The following STX2 variants were observed in gnomAD, a reference collection of about 807,000 sequenced individuals.
STX2 encodes syntaxin 2, also known as syntaxin-2.
A neutral mutation model predicts 40.6 loss-of-function variants in STX2; 27 were observed. The observed-to-expected ratio is 0.66, with a 90% CI of 0.49 to 0.92. The LOEUF is 0.92. STX2 is among the 40% of genes least tolerant of loss of function. The pLI is 0.00. For missense variants in STX2, 328 were observed against 366.1 expected (o/e 0.90, Z 0.85); for synonymous variants, 123 against 119.1 (o/e 1.03, Z -0.22).
chr12:130,831,110 G>A (rs73459503), intron 1 of STX2, among the ~76,000 whole-genome samples: 3,819 of 152,256 alleles, frequency 0.025, 148 homozygotes, highest in African/African-American at 0.081. Context: ...CCATTGGAAC[G>A]ATCATCATTT....
intron 8 of STX2, among the ~76,000 whole-genome samples, chr12:130,799,448 A>G (rs1368796632): frequency 3.3e-5 from 5 of 152,224 alleles, no homozygotes; most frequent in Admixed American, 2.6e-4. Context: ...AAGCTTTAGT[A>G]ATTACAGAAA....
intron 4 of STX2, chr12:130,810,456 G>C (rs1211233221): frequency 6.6e-6 from 1 of 152,210 alleles, no homozygotes; most frequent in Non-Finnish European, 1.5e-5. Flanking sequence ...CCAGCATGCT[G>C]ACCTCGGTGT....
chr12:130,827,368 T>C, intron 1 of STX2, 101 bp from the exon 2 acceptor site: 2 of 837,774 alleles, frequency 2.4e-6, no homozygotes, highest in South Asian at 3.0e-5. Context: ...AGATCTCAAC[T>C]CACTACAGCA....
At chr12:130,805,084 C>T (rs1037504146) in intron 6 of STX2, among the ~76,000 whole-genome samples, 1 of 152,178 alleles carries the variant, frequency 6.6e-6, no homozygotes, top group Non-Finnish European at 1.5e-5. Context: ...CCTCACAGTG[C>T]AACCGGCTGC....
intron 6 of STX2, among the ~76,000 whole-genome samples, chr12:130,805,169 T>C (rs1003393350): frequency 6.6e-6 from 1 of 152,172 alleles, no homozygotes; most frequent in African/African-American, 2.4e-5. Flanking sequence ...AACTTTTTCA[T>C]AGAAAAGCAG....
At chr12:130,809,615 G>A (rs1170847062) in intron 4 of STX2, among the ~76,000 whole-genome samples, 2 of 152,148 alleles carry the variant, frequency 1.3e-5, no homozygotes, top group Admixed American at 6.5e-5. Flanking sequence ...CCAGGGGTTC[G>A]AGACCAGCGT....
At chr12:130,832,284 C>T (rs1056188479) in intron 1 of STX2, among the ~76,000 whole-genome samples, 1 of 152,186 alleles carries the variant, frequency 6.6e-6, no homozygotes, top group Non-Finnish European at 1.5e-5. Context: ...CTGCTGCATA[C>T]ACTCCATTAT....
In STX2 at chr12:130,839,115, A is replaced by T; in HGVS notation, c.-16T>A. On this transcript the variant is annotated 5_prime_UTR_variant, in exon 1 of 11. Coordinates refer to ENST00000392373, the MANE Select transcript of STX2 (RefSeq NM_194356.4). ...GGTCCCGCATCCCCGCCGGCCGGGC[A>T]GCGCGCCCCGCCGCTCAAGCCTGTC... The T allele has an allele frequency of 7.9e-7, 1 of 1,260,786 alleles. No individual in the cohort carries two copies. The allele number at this position is 1,260,786 out of a possible 1,614,324, so 78.1% of individuals were successfully genotyped here. A position where few individuals can be genotyped will look rare whatever the true frequency, so the allele number is the denominator to read the frequency against.
intron 1 of STX2, 37 bp from the exon 2 acceptor site, chr12:130,827,304 T>G: frequency 3.2e-6 from 5 of 1,550,930 alleles, no homozygotes; most frequent in Non-Finnish European, 3.6e-6. Flanking sequence ...TTTTTAAAAT[T>G]TTTATGTAGG....
At chr12:130,804,386 G>A (rs896468103) in intron 6 of STX2, among the ~76,000 whole-genome samples, 8 of 152,266 alleles carry the variant, frequency 5.3e-5, no homozygotes, top group Middle Eastern at 3.4e-3. Flanking sequence ...TGCTCGACTC[G>A]TGCATGCCAA....
intron 3 of STX2, among the ~76,000 whole-genome samples, chr12:130,820,485 G>A (rs1361109702): frequency 6.6e-6 from 1 of 152,126 alleles, no homozygotes; most frequent in Non-Finnish European, 1.5e-5. Flanking sequence ...GGCCAATATG[G>A]TGAAATCCCA....
At chr12:130,814,368 G>A (rs10773825) in intron 3 of STX2, among the ~76,000 whole-genome samples, 85,163 of 151,976 alleles carry the variant, frequency 0.56, 26,344 homozygotes, top group East Asian at 0.87. Flanking sequence ...AGAAGCGTCT[G>A]CTGCAGCTGT....
chr12:130,819,885 G>A lies in STX2; in HGVS notation c.205+1804C>T, dbSNP rs1344853394. Among the ~76,000 whole-genome samples the A allele has an allele frequency of 3.9e-5, 6 of 152,294 alleles. No individual in the cohort carries two copies. In the South Asian group the frequency reaches 6.2e-4, roughly 16 times the overall value. On this transcript the variant is annotated intron_variant, in intron 3 of 10. Coordinates refer to ENST00000392373, the MANE Select transcript of STX2 (RefSeq NM_194356.4). ...GCCGCAGGCAGCACCCTGGCTGCAC[G>A]GACTAGCTCATGAGACGGCGGCTCC...
At chr12:130,832,744 C>G (rs994838420) in intron 1 of STX2, among the ~76,000 whole-genome samples, 3 of 152,222 alleles carry the variant, frequency 2.0e-5, no homozygotes, top group Non-Finnish European at 4.4e-5. Context: ...CCAACCTCCT[C>G]AGCTCACTCA....
At chr12:130,794,156 GAAAA>G (rs1307707728) in intron 10 of STX2, among the ~76,000 whole-genome samples, 1 of 124,276 alleles carries the variant, frequency 8.0e-6, no homozygotes, top group East Asian at 4.2e-4. Flanking sequence ...TAGCTACTAG[GAAAA>G]AACTCAGAAA....
chr12:130,796,268 T>C (rs962327458), intron 9 of STX2, 148 bp from the exon 10 acceptor site: 25 of 904,746 alleles, frequency 2.8e-5, no homozygotes, highest in Non-Finnish European at 3.6e-5. Flanking sequence ...CCGAGGCGGA[T>C]GGATCACCTG....
chr12:130,793,774 G>A (rs546590104), intron 10 of STX2, among the ~76,000 whole-genome samples: 1 of 152,320 alleles, frequency 6.6e-6, no homozygotes, highest in East Asian at 1.9e-4. Context: ...TGCAGGGAGG[G>A]GCAGCAGCCA....
rs73459517 is a variant in STX2, at chr12:130,832,538, A to G, written c.31-5271T>C. On this transcript the variant is annotated intron_variant, in intron 1 of 10. Coordinates refer to ENST00000392373, the MANE Select transcript of STX2 (RefSeq NM_194356.4). ...AAATTGGATGCCCCCAGCATGGCAC[A>G]TGGACATGAGACACTGCCAGGCTAA... is the stretch of plus-strand genomic sequence containing the variant. Among the ~76,000 whole-genome samples the G allele has an allele frequency of 4.4e-3, 670 of 152,302 alleles. 10 individuals carry two copies. Among genetic ancestry groups the G allele is most frequent in the African/African-American group, 0.016 (647 of 41,568 alleles).
intron 7 of STX2, 50 bp downstream of exon 7, chr12:130,801,365 C>T: frequency 1.3e-6 from 2 of 1,592,722 alleles, no homozygotes; most frequent in South Asian, 1.1e-5. Flanking sequence ...TTTTAAAAAG[C>T]TCTGTCTACA....
Sources: gnomAD v4.1 joint callset for allele counts (sites outside exome capture counted in the v4.1 genomes callset) on GRCh38, gnomAD v4.1.1 for gene constraint, MANE v1.5 for transcripts, NCBI Gene and HGNC (gene_info 2026-07-23, HGNC 2026-07-21) for gene names.